The following HTT variants were observed in gnomAD, a reference collection of about 807,000 sequenced individuals.
HTT encodes the protein huntingtin.
Under a neutral mutation model 362.3 loss-of-function variants are expected in HTT, and 104 were observed. The observed-to-expected ratio is 0.29, with a 90% CI of 0.24 to 0.34. HTT has a LOEUF of 0.34. Among genes scored for constraint, HTT ranks in the 10% least tolerant of loss-of-function variants. The probability of loss-of-function intolerance (pLI) is 1.00; values close to 1 mark genes in which losing one functional copy is unlikely to be tolerated. For synonymous variants in HTT, 1,577 were observed against 1,548.7 expected (o/e 1.02, Z -0.43); for missense variants, 3,301 against 3,928.6 (o/e 0.84, Z 4.27).
At chr4:3,221,777 G>A (rs76091414) in intron 53 of HTT, among the ~76,000 whole-genome samples, 2,218 of 152,324 alleles carry the variant, frequency 0.015, 42 homozygotes, top group African/African-American at 0.043. Context: ...TGGAGGGTCT[G>A]TCGGATGTAT....
intron 29 of HTT, 83 bp downstream of exon 29, chr4:3,160,475 C>T (rs1578549456): frequency 1.0e-6 from 1 of 979,418 alleles, no homozygotes; most frequent in Admixed American, 2.0e-5. Flanking sequence ...TAGGATGGAG[C>T]CTGGTTCTCC....
intron 1 of HTT, among the ~76,000 whole-genome samples, chr4:3,081,674 C>T (rs377598878): frequency 9.3e-5 from 14 of 150,598 alleles, no homozygotes; most frequent in East Asian, 3.9e-4. Flanking sequence ...TTCTCCTGCA[C>T]GGCCTCCCTA....
intron 8 of HTT, among the ~76,000 whole-genome samples, chr4:3,116,669 A>T (rs1351016360): frequency 6.6e-6 from 1 of 152,202 alleles, no homozygotes; most frequent in Non-Finnish European, 1.5e-5. Flanking sequence ...GGCCTAGCAC[A>T]CTGGTCTAGG....
chr4:3,129,947 G>A lies in HTT; in HGVS notation c.1767G>A (p.Gln589=). ...AGGTGTTAGACGGTACCGACAACCA[G>A]TATTTGGGCCTGCAGATTGGACAGC... The part of the protein sequence containing the change: ...SEIVLDGTDN[Q]YLGLQIGQPQ... Residue 589 remains glutamine (Q), a synonymous_variant, in exon 13 of 67, where the codon CAG becomes CAA. Transcript: ENST00000355072. The A allele has an allele frequency of 1.9e-6, 3 of 1,614,152 alleles. No individual in the cohort carries two copies. The highest frequency in any genetic ancestry group is 2.5e-6 in the Non-Finnish European group (3 of 1,180,012).
Position 3,148,225 on chromosome 4 carries a change from T to C in HTT, c.3498+18T>C. The C allele has an allele frequency of 6.5e-7, 1 of 1,534,372 alleles. No homozygotes were observed. The highest frequency in any genetic ancestry group is 8.8e-7 in the Non-Finnish European group (1 of 1,133,690). ...CAATAAAGGTAATGTCCCACTTGGG[T>C]GCTGGATTCATACAGCCTTAATGAC... On this transcript the variant is annotated intron_variant, in intron 26 of 66. Transcript: ENST00000355072.
intron 31 of HTT, among the ~76,000 whole-genome samples, chr4:3,173,604 A>G (rs1215875089): frequency 6.6e-6 from 1 of 152,110 alleles, no homozygotes; most frequent in East Asian, 1.9e-4. Context: ...AGGCCATAGA[A>G]GCATCTTGGA....
chr4:3,213,925 G>A (rs765991502), intron 49 of HTT, 33 bp from the exon 50 acceptor site: 1 of 1,487,792 alleles, frequency 6.7e-7, no homozygotes. Flanking sequence ...AGGTACACGA[G>A]TGGGCATTCT....
chr4:3,230,782 C>G (rs765410950), intron 60 of HTT, among the ~76,000 whole-genome samples: 1 of 152,048 alleles, frequency 6.6e-6, no homozygotes, highest in Non-Finnish European at 1.5e-5. Flanking sequence ...TTAGAAGGGC[C>G]CCAATCCACA....
At chr4:3,200,007 T>A in intron 41 of HTT, 68 bp downstream of exon 41, 1 of 1,339,978 alleles carries the variant, frequency 7.5e-7, no homozygotes, top group Non-Finnish European at 1.0e-6. Flanking sequence ...CCCAGTAACC[T>A]GAGCTTTGGC....
chr4:3,154,660 G>A (rs1717058390), intron 27 of HTT, among the ~76,000 whole-genome samples: 1 of 152,206 alleles, frequency 6.6e-6, no homozygotes, highest in African/African-American at 2.4e-5. Flanking sequence ...CAGCCTCCAG[G>A]CTTCCAGCCC....
At chr4:3,143,264 C>T (rs1716433612) in intron 23 of HTT, among the ~76,000 whole-genome samples, 1 of 151,752 alleles carries the variant, frequency 6.6e-6, no homozygotes, top group Admixed American at 6.6e-5. Context: ...TGGTGAAACC[C>T]CATCTCTACT....
chr4:3,160,500 A>T, intron 29 of HTT, 108 bp downstream of exon 29: 1 of 768,354 alleles, frequency 1.3e-6, no homozygotes, highest in Non-Finnish European at 2.3e-6. Context: ...TGCCTCCGGG[A>T]GACTCCTCCC....
intron 50 of HTT, among the ~76,000 whole-genome samples, chr4:3,214,722 A>G (rs1178140946): frequency 6.6e-6 from 1 of 152,176 alleles, no homozygotes; most frequent in Non-Finnish European, 1.5e-5. Context: ...AATTGTTTTC[A>G]TCTGTGCATT....
intron 1 of HTT, among the ~76,000 whole-genome samples, chr4:3,084,767 A>C (rs1315452009): frequency 1.3e-5 from 2 of 151,318 alleles, no homozygotes; most frequent in Admixed American, 6.6e-5. Flanking sequence ...TAATCCCAGC[A>C]CTTTGGGAGG....
At chr4:3,151,427 C>T (rs973504240) in intron 26 of HTT, among the ~76,000 whole-genome samples, 1 of 151,860 alleles carries the variant, frequency 6.6e-6, no homozygotes, top group Non-Finnish European at 1.5e-5. Flanking sequence ...AAGGAGAGTG[C>T]CTGTAGGGGG....
chr4:3,150,400 A>C (rs937481662), intron 26 of HTT, among the ~76,000 whole-genome samples: 1 of 152,096 alleles, frequency 6.6e-6, no homozygotes, highest in African/African-American at 2.4e-5. Context: ...TCCTGTCTTC[A>C]GTGTCTAGAT....
intron 2 of HTT, among the ~76,000 whole-genome samples, chr4:3,090,028 G>A (rs1292968579): frequency 1.3e-5 from 2 of 152,178 alleles, no homozygotes; most frequent in African/African-American, 4.8e-5. Context: ...ATAGCTGAAG[G>A]TGATATTTTA....
Position 3,172,401 on chromosome 4 carries a change from A to C in HTT, c.3942+4A>C. Reference sequence around the variant, plus strand: ...GGCAACTGTTTGTGTTCAACAAGTAAGAGCTTCATTCTTTTCCTCTTCTGT... The same window carrying C: ...GGCAACTGTTTGTGTTCAACAAGTACGAGCTTCATTCTTTTCCTCTTCTGT... On this transcript the variant is annotated splice_donor_region_variant and intron_variant, in intron 30 of 66. Transcript: ENST00000355072. 1 of 1,588,876 alleles carries C rather than the reference A, an allele frequency of 6.3e-7. No homozygotes were observed. The highest frequency in any genetic ancestry group is 8.6e-7 in the Non-Finnish European group (1 of 1,156,890).
In HTT at chr4:3,115,330, C is replaced by T. The variant is rs1371005486; in HGVS notation, c.774C>T (p.Asn258=). ...TTTTGTTAAAGGCCTTCATAGCGAACCTGAAGTCAAGCTCCCCCACCATTC... is the reference window on the plus strand; with the variant it reads ...TTTTGTTAAAGGCCTTCATAGCGAATCTGAAGTCAAGCTCCCCCACCATTC... ...IKVLLKAFIA[N]LKSSSPTIRR... Residue 258 remains asparagine, a synonymous_variant, in exon 7 of 67, where the codon AAC becomes AAT. Coordinates refer to ENST00000355072, the MANE Select transcript of HTT (RefSeq NM_001388492.1). 17 of 1,614,100 alleles carry T rather than the reference C, an allele frequency of 1.1e-5. No individual in the cohort carries two copies. Among genetic ancestry groups the T allele is most frequent in the Non-Finnish European group, 1.4e-5 (17 of 1,179,986 alleles).
Sources: allele counts gnomAD v4.1 joint callset (sites outside exome capture counted in the v4.1 genomes callset), GRCh38; gene constraint gnomAD v4.1.1; transcripts MANE v1.5; gene names NCBI Gene and HGNC (gene_info 2026-07-23, HGNC 2026-07-21).